The following RBMS1 variants were observed in gnomAD, a reference collection of about 807,000 sequenced individuals.
RBMS1 encodes the protein RNA binding motif single stranded interacting protein 1.
In RBMS1, 17 loss-of-function variants were observed where a neutral mutation model predicts 62.3. The ratio of observed to expected loss-of-function variants is 0.27; its 90% CI spans 0.19 to 0.41. RBMS1 has a LOEUF of 0.41. Among genes scored for constraint, RBMS1 ranks in the 10% least tolerant of loss-of-function variants. The pLI is 1.00. For missense variants in RBMS1, 334 were observed against 504.5 expected, an observed-to-expected ratio of 0.66 and a Z score of 3.24; for synonymous variants, 172 against 170.0, an observed-to-expected ratio of 1.01 and a Z score of -0.09.
chr2:160,277,422 C>A (rs557959502), intron 11 of RBMS1, 39 bp from the exon 12 acceptor site: 1 of 1,522,198 alleles, frequency 6.6e-7, no homozygotes, highest in Non-Finnish European at 9.1e-7. Context: ...CAATGGTAAA[C>A]CATGCAAAAT....
chr2:160,427,420 G>A (rs537584100), intron 1 of RBMS1, among the ~76,000 whole-genome samples: 1 of 151,960 alleles, frequency 6.6e-6, no homozygotes, highest in Non-Finnish European at 1.5e-5. Context: ...AAAGAGAACT[G>A]AGTCAAAAAT....
At chr2:160,346,128 TA>T (rs973926129) in intron 2 of RBMS1, among the ~76,000 whole-genome samples, 6 of 152,132 alleles carry the variant, frequency 3.9e-5, no homozygotes, top group African/African-American at 1.4e-4. Flanking sequence ...TGCCCCTTCT[TA>T]AAAAAACTTT....
intron 9 of RBMS1, chr2:160,282,177 T>C: frequency 8.1e-7 from 1 of 1,227,230 alleles, no homozygotes; most frequent in Non-Finnish European, 1.1e-6. Flanking sequence ...TCCTGCATTT[T>C]ATCCCCTATT....
At chr2:160,311,228 C>CTATATATATATATATATA (rs1252861710) in intron 4 of RBMS1, among the ~76,000 whole-genome samples, 1 of 95,942 alleles carries the variant, frequency 1.0e-5, no homozygotes, top group Non-Finnish European at 2.1e-5. Flanking sequence ...ATCTATCTAT[C>CTATATATATATATATATA]TATCTATATA....
intron 1 of RBMS1, among the ~76,000 whole-genome samples, chr2:160,484,002 CTTTTT>C (rs5835810): frequency 7.6e-6 from 1 of 131,672 alleles, no homozygotes. Context: ...GGATAAAATT[CTTTTT>C]TTTTTTTTTT....
chr2:160,457,126 A>T (rs7422004), intron 1 of RBMS1, among the ~76,000 whole-genome samples: 130,999 of 151,002 alleles, frequency 0.87, 56,945 homozygotes, highest in East Asian at 0.96. Flanking sequence ...TTATTTAATT[A>T]ATTTATTTAT....
chr2:160,351,056 C>T (rs1318840064), intron 2 of RBMS1, among the ~76,000 whole-genome samples: 1 of 151,892 alleles, frequency 6.6e-6, no homozygotes, highest in East Asian at 1.9e-4. Flanking sequence ...AACCATCATG[C>T]TCAGCAAACT....
chr2:160,275,668 T>C lies in RBMS1; in HGVS notation c.1190A>G (p.His397Arg), dbSNP rs1266633298. Residue 397 changes from histidine (H) to arginine (R), a missense_variant, in exon 13 of 14, where the codon CAT becomes CGT. This residue lies in a region of RBMS1 where 182 missense variants were observed against 257.7 expected (regional missense o/e 0.71). Transcript: ENST00000348849. ...QQVAVETSNDHSPYTFQPNK is the reference protein window; with the variant it reads ...QQVAVETSNDRSPYTFQPNK The stretch of plus-strand genomic sequence containing the variant: ...ATTAGGTTGAAAGGTATATGGAGAA[T>C]GGTCATTAGACGTCTCGACAGCCAC... 1.2e-6 allele frequency: 2 copies of C among 1,613,812 alleles called. No homozygotes were observed. Among genetic ancestry groups the C allele is most frequent in the South Asian group, 1.1e-5 (1 of 91,078 alleles).
At chr2:160,324,907 T>TATATACACACACAC (rs1321182985) in intron 2 of RBMS1, among the ~76,000 whole-genome samples, 1 of 106,778 alleles carries the variant, frequency 9.4e-6, no homozygotes, top group African/African-American at 4.2e-5. Flanking sequence ...TATATATATA[T>TATATACACACACAC]ACACACACAC....
At chr2:160,407,930 G>T (rs1280152401) in intron 1 of RBMS1, 6 of 979,934 alleles carry the variant, frequency 6.1e-6, no homozygotes, top group Non-Finnish European at 7.2e-6. Context: ...GGGGCGGGGA[G>T]GCGGCAGCGC....
At chr2:160,482,762 A>T (rs1332254179) in intron 1 of RBMS1, among the ~76,000 whole-genome samples, 2 of 152,220 alleles carry the variant, frequency 1.3e-5, no homozygotes, top group African/African-American at 4.8e-5. Context: ...CATTTGCAGG[A>T]TTTAACAAGA....
At chr2:160,411,427 G>A (rs894660974) in intron 1 of RBMS1, among the ~76,000 whole-genome samples, 8 of 152,220 alleles carry the variant, frequency 5.3e-5, no homozygotes, top group Non-Finnish European at 1.2e-4. Context: ...GAGTGGGTGA[G>A]CATTTGGCCA....
chr2:160,367,453 T>C (rs1465605784), intron 1 of RBMS1, 62 bp from the exon 2 acceptor site: 14 of 1,587,840 alleles, frequency 8.8e-6, no homozygotes, highest in South Asian at 1.1e-5. Context: ...CCAAATAAAA[T>C]GAAGTTACCA....
chr2:160,449,590 T>C (rs1683872462), intron 1 of RBMS1, among the ~76,000 whole-genome samples: 1 of 152,138 alleles, frequency 6.6e-6, no homozygotes, highest in Non-Finnish European at 1.5e-5. Flanking sequence ...TTAAGGGCGG[T>C]GCAAGATGTG....
intron 3 of RBMS1, 108 bp downstream of exon 3, chr2:160,318,061 T>A (rs1301402213): frequency 2.0e-6 from 3 of 1,466,520 alleles, no homozygotes; most frequent in Non-Finnish European, 2.8e-6. Flanking sequence ...ATATATAAGA[T>A]CTGGTTTTTA....
intron 2 of RBMS1, among the ~76,000 whole-genome samples, chr2:160,351,028 G>C (rs1206038512): frequency 1.3e-5 from 2 of 152,024 alleles, no homozygotes; most frequent in African/African-American, 4.8e-5. Flanking sequence ...CCTTTGTAGG[G>C]ACATGGATGA....
chr2:160,490,586 A>G (rs1325721748), intron 1 of RBMS1, among the ~76,000 whole-genome samples: 1 of 152,184 alleles, frequency 6.6e-6, no homozygotes, highest in Non-Finnish European at 1.5e-5. Flanking sequence ...ATGTGGAAGT[A>G]ACTAGTATGT....
intron 1 of RBMS1, among the ~76,000 whole-genome samples, chr2:160,469,234 A>G (rs1248480154): frequency 1.3e-5 from 2 of 152,194 alleles, no homozygotes; most frequent in Admixed American, 6.5e-5. Context: ...ACATTAAATC[A>G]TTCTTTCATT....
intron 1 of RBMS1, among the ~76,000 whole-genome samples, chr2:160,378,613 T>C (rs1694120560): frequency 7.9e-6 from 1 of 125,924 alleles, no homozygotes; most frequent in Admixed American, 7.6e-5. Context: ...TAAGACTCTA[T>C]CTATAAAAAA....
Sources: gnomAD v4.1 joint callset for allele counts (sites outside exome capture counted in the v4.1 genomes callset) on GRCh38, gnomAD v4.1.1 for gene constraint, gnomAD v4.1.1 regional missense constraint, MANE v1.5 for transcripts, NCBI Gene and HGNC (gene_info 2026-07-23, HGNC 2026-07-21) for gene names.